GRK5: variants seen among roughly 807,000 people sequenced by gnomAD.
GRK5 encodes the protein g protein-coupled receptor kinase GRK5.
Under a neutral mutation model 78.4 loss-of-function variants are expected in GRK5, and 40 were observed. The ratio of observed to expected loss-of-function variants is 0.51; its 90% confidence interval spans 0.40 to 0.66. The LOEUF (loss-of-function observed/expected upper bound fraction) is 0.66. GRK5 is among the 30% of genes least tolerant of loss of function. The pLI is 0.00. For synonymous variants in GRK5, 289 were observed against 296.8 expected (o/e 0.97, Z 0.27); for missense variants, 598 against 759.9 (o/e 0.79, Z 2.50).
chr10:119,322,590 A>C (rs1049631305), intron 1 of GRK5, among the ~76,000 whole-genome samples: 2 of 152,192 alleles, frequency 1.3e-5, no homozygotes, highest in Non-Finnish European at 2.9e-5. Flanking sequence ...TTAATGAATA[A>C]ATCTATAAGT....
At chr10:119,393,866 GTGTC>G (rs1311004069) in intron 3 of GRK5, among the ~76,000 whole-genome samples, 1 of 152,148 alleles carries the variant, frequency 6.6e-6, no homozygotes, top group African/African-American at 2.4e-5. Context: ...TATGGGGTGT[GTGTC>G]TGTGTGTGGG....
At chr10:119,357,877 G>A (rs1047489367) in intron 2 of GRK5, among the ~76,000 whole-genome samples, 12 of 152,292 alleles carry the variant, frequency 7.9e-5, no homozygotes, top group South Asian at 2.1e-4. Flanking sequence ...TTCCTGACTC[G>A]GATGCCTTGA....
At chr10:119,272,509 G>T (rs1849598504) in intron 1 of GRK5, among the ~76,000 whole-genome samples, 1 of 151,204 alleles carries the variant, frequency 6.6e-6, no homozygotes, top group African/African-American at 2.4e-5. Flanking sequence ...CTGGGAGGCG[G>T]AGGTTGCAGT....
At chr10:119,335,879 T>C (rs1252474576) in intron 2 of GRK5, 1 of 152,256 alleles carries the variant, frequency 6.6e-6, no homozygotes, top group Admixed American at 6.5e-5. Flanking sequence ...TTTCTCTAGT[T>C]TGCAGTTTAT....
In GRK5 at chr10:119,311,914, A is replaced by ACTTTTTTTTTTTTT. The variant is rs34048341; in HGVS notation, c.53-14602_53-14601insCTTTTTTTTTTTTT. On this transcript the variant is annotated intron_variant, in intron 1 of 15. Transcript: ENST00000392870. The stretch of plus-strand genomic sequence containing the variant: ...TGTACTGAATGCTACTGAATTGTTC[A>ACTTTTTTTTTTTTT]TTTTTTTTTTTTTTTTTTTGAGACG... Among the ~76,000 whole-genome samples, 2 of 137,814 alleles carry ACTTTTTTTTTTTTT rather than the reference A, an allele frequency of 1.5e-5. 1 individual carries two copies. Among genetic ancestry groups the ACTTTTTTTTTTTTT allele is most frequent in the African/African-American group, 5.5e-5 (2 of 36,508 alleles). The allele number at this position is 137,814 out of a possible 152,430, so 90.4% of individuals were successfully genotyped here.
intron 2 of GRK5, among the ~76,000 whole-genome samples, chr10:119,331,658 A>G (rs1465574117): frequency 6.6e-6 from 1 of 152,246 alleles, no homozygotes; most frequent in Non-Finnish European, 1.5e-5. Context: ...AGCTGAGGGC[A>G]GAACCCATGA....
At chr10:119,258,460 G>A (rs779300176) in intron 1 of GRK5, among the ~76,000 whole-genome samples, 11 of 152,190 alleles carry the variant, frequency 7.2e-5, no homozygotes, top group Non-Finnish European at 1.5e-4. Flanking sequence ...TGGGATTGCT[G>A]GGTCACATGG....
At chr10:119,385,790 T>A (rs1367574848) in intron 3 of GRK5, among the ~76,000 whole-genome samples, 1 of 152,118 alleles carries the variant, frequency 6.6e-6, no homozygotes, top group African/African-American at 2.4e-5. Context: ...CACCAGATCC[T>A]TGAGTGGCGA....
At chr10:119,228,771 T>G (rs1183592680) in intron 1 of GRK5, among the ~76,000 whole-genome samples, 3 of 152,146 alleles carry the variant, frequency 2.0e-5, no homozygotes, top group Non-Finnish European at 4.4e-5. Context: ...ATGTCTTTTT[T>G]GGGGAGGGGG....
At chr10:119,337,574 G>A (rs1022121401) in intron 2 of GRK5, among the ~76,000 whole-genome samples, 10 of 152,022 alleles carry the variant, frequency 6.6e-5, no homozygotes, top group African/African-American at 9.7e-5. Flanking sequence ...ACCTTCACTC[G>A]GTCTTCTACC....
intron 1 of GRK5, among the ~76,000 whole-genome samples, chr10:119,227,532 C>G (rs1848761323): frequency 6.6e-6 from 1 of 152,130 alleles, no homozygotes; most frequent in Non-Finnish European, 1.5e-5. Context: ...GATCGTGGCA[C>G]TGCACTCCAG....
chr10:119,262,608 C>T (rs1272650752), intron 1 of GRK5, among the ~76,000 whole-genome samples: 1 of 152,098 alleles, frequency 6.6e-6, no homozygotes, highest in African/African-American at 2.4e-5. Flanking sequence ...TCCCAAAGTG[C>T]TGGGATTTGG....
In GRK5 at chr10:119,333,765, G is replaced by A. The variant is rs558818296; in HGVS notation, c.148+7154G>A. On this transcript the variant is annotated intron_variant, in intron 2 of 15. Transcript: ENST00000392870. ...TGAGCACTGAAAACATGCTGTCCAC[G>A]GGGGAGCTGAGCGGATCGCTGATCT... The A allele has an allele frequency of 2.6e-4, 136 of 532,574 alleles. No homozygotes were observed. The Middle Eastern group carries it at 3.5e-3, about 14-fold the overall frequency. 33.0% of individuals were successfully genotyped at this position (532,574 alleles called of 1,614,324 possible).
intron 1 of GRK5, among the ~76,000 whole-genome samples, chr10:119,303,404 G>C (rs1441718275): frequency 6.6e-6 from 1 of 152,110 alleles, no homozygotes; most frequent in African/African-American, 2.4e-5. Flanking sequence ...CATATTAGTT[G>C]AGACCTAGTT....
At chr10:119,243,967 C>T (rs992356077) in intron 1 of GRK5, among the ~76,000 whole-genome samples, 9 of 152,216 alleles carry the variant, frequency 5.9e-5, no homozygotes, top group Admixed American at 5.2e-4. Flanking sequence ...CTTTCTGTCA[C>T]GTTATGATTG....
intron 1 of GRK5, among the ~76,000 whole-genome samples, chr10:119,210,008 G>C (rs1288013751): frequency 1.3e-5 from 2 of 152,000 alleles, no homozygotes; most frequent in East Asian, 1.9e-4. Context: ...ATTGTTGTTC[G>C]TTAGGCCAAC....
chr10:119,298,692 A>AG (rs980143104), intron 1 of GRK5, among the ~76,000 whole-genome samples: 1 of 150,612 alleles, frequency 6.6e-6, no homozygotes, highest in Non-Finnish European at 1.5e-5. Flanking sequence ...GTGCACCCCC[A>AG]GGACCCCATT....
intron 10 of GRK5, 61 bp downstream of exon 10, chr10:119,439,829 C>T (rs1852996773): frequency 6.6e-7 from 1 of 1,525,390 alleles, no homozygotes; most frequent in African/African-American, 1.4e-5. Context: ...AGCAAAGGGC[C>T]TCCCAGGGAT....
chr10:119,348,271 G>A (rs1418187805), intron 2 of GRK5, among the ~76,000 whole-genome samples: 2 of 152,172 alleles, frequency 1.3e-5, no homozygotes, highest in Non-Finnish European at 2.9e-5. Flanking sequence ...TGATGTCATC[G>A]GGGGAGCTCA....
Sources: gnomAD v4.1 joint callset for allele counts (sites outside exome capture counted in the v4.1 genomes callset) on GRCh38, gnomAD v4.1.1 for gene constraint, MANE v1.5 for transcripts, NCBI Gene and HGNC (gene_info 2026-07-23, HGNC 2026-07-21) for gene names.